Variants in CHTF18 observed in about 807,000 individuals in gnomAD.
CHTF18 encodes the protein chromosome transmission fidelity factor 18.
In CHTF18, 151 loss-of-function variants were observed where a neutral mutation model predicts 113.4. The observed-to-expected ratio is 1.33, with a 90% CI of 1.17 to 1.52. The LOEUF (loss-of-function observed/expected upper bound fraction) is 1.52. CHTF18 is among the 40% of genes most tolerant of loss of function. The pLI is 0.00. For synonymous variants in CHTF18, 916 were observed against 598.8 expected (o/e 1.53, Z -7.74); for missense variants, 1,982 against 1,381.6 (o/e 1.43, Z -6.89).
rs372435159 is a variant in CHTF18 at position 792,506 on chromosome 16, C to T, written c.1394C>T (p.Pro465Leu). The T allele has an allele frequency of 3.0e-5, 47 of 1,592,460 alleles. No homozygotes were observed. Among genetic ancestry groups the T allele is most frequent in the Admixed American group, 7.3e-5 (4 of 54,722 alleles). The change falls in exon 11 of 22, where the codon CCG (proline) becomes CTG (leucine). Residue 465 changes from proline (P) to leucine (L), a missense_variant. By Grantham distance (98) the Pro-to-Leu change is moderately conservative. Transcript: ENST00000262315. Reference protein sequence around the residue: ...KGPQEVGPQGPAVPSGGGRRR... With the variant: ...KGPQEVGPQGLAVPSGGGRRR... ...CCACAGGAGGTGGGGCCACAGGGCC[C>T]GGCTGTGCCTTCGGGAGGCGGCCGA... is the stretch of plus-strand genomic sequence containing the variant.
Position 798,030 on chromosome 16 carries a change from G to A in CHTF18, c.*55G>A. On this transcript the variant is annotated 3_prime_UTR_variant, in exon 22 of 22. Transcript: ENST00000262315. The stretch of plus-strand genomic sequence containing the variant: ...TGCTTCCCGCAGAGTGCAGAGACAG[G>A]AAGCTGGAGATGTCTTTATAAAGTC... 1 of 1,566,514 alleles carries A rather than the reference G, an allele frequency of 6.4e-7. No individual in the cohort carries two copies. Among genetic ancestry groups the A allele is most frequent in the Non-Finnish European group, 8.7e-7 (1 of 1,155,338 alleles).
At position 796,857 on chromosome 16, in the gene CHTF18, C is replaced by T. The variant is rs371638009; in HGVS notation, c.2597C>T (p.Pro866Leu). ...GCTTCTGCCCGGGTAGAGAACAGCC[C>T]CCAGGTGAGCCCACCCAGGCTCTGG... Reference protein sequence around the residue: ...AEASARVENSPQVDGSPPGLE... With the variant: ...AEASARVENSLQVDGSPPGLE... The change falls in exon 19 of 22, where the codon CCC (proline) becomes CTC (leucine). Residue 866 changes from proline to leucine, a missense_variant. Coordinates refer to ENST00000262315, the MANE Select transcript of CHTF18 (RefSeq NM_022092.3). 2.1e-5 allele frequency: 33 copies of T among 1,593,434 alleles called. No individual in the cohort carries two copies. The highest frequency in any genetic ancestry group is 2.7e-5 in the Non-Finnish European group (31 of 1,169,392).
rs1368675919 is a variant in CHTF18, at chr16:795,970, C to T, written c.2349C>T (p.Thr783=). Residue 783 remains threonine, a synonymous_variant, in exon 18 of 22, where the codon ACC becomes ACT. Transcript: ENST00000262315. ...LRPVSTQLYS[T]REKQQLASLV... ...AGGTGAGCACACAGCTGTACAGCAC[C>T]CGTGAAAAGCAACAGCTGGCCAGCC... The T allele has an allele frequency of 1.9e-6, 3 of 1,609,578 alleles. No homozygotes were observed. Among genetic ancestry groups the T allele is most frequent in the Non-Finnish European group, 1.7e-6 (2 of 1,178,616 alleles).
In CHTF18 at chr16:790,282, G is replaced by A; in HGVS notation, c.699+13G>A. ...GGTCGACGGCGAGGTAGGGGCTGCG[G>A]GTTTGCTGGGGGGCGGTGGCGGGGC... On this transcript the variant is annotated intron_variant, in intron 5 of 21. Coordinates refer to ENST00000262315, the MANE Select transcript of CHTF18 (RefSeq NM_022092.3). 1 of 1,608,480 alleles carries A rather than the reference G, an allele frequency of 6.2e-7. No individual in the cohort carries two copies. Among genetic ancestry groups the A allele is most frequent in the Non-Finnish European group, 8.5e-7 (1 of 1,178,350 alleles).
In CHTF18 at chr16:793,919, G is replaced by A. The variant is rs953841710; in HGVS notation, c.1803-135G>A. The A allele has an allele frequency of 1.5e-5, 15 of 986,440 alleles. No individual in the cohort carries two copies. The African/African-American group carries it at 1.8e-4, about 12-fold the overall frequency. The allele number at this position is 986,440 out of a possible 1,614,324, so 61.1% of individuals were successfully genotyped here. ...TGTCTTTGGCTGTCTCCACCTGAGC[G>A]AGGCAGCAAGGGCCCTGCTGAGAAG... is the stretch of plus-strand genomic sequence containing the variant. On this transcript the variant is annotated intron_variant, in intron 14 of 21. Transcript: ENST00000262315.
At chr16:790,899 G>C in intron 7 of CHTF18, 1 of 1,432,812 alleles carries the variant, frequency 7.0e-7, no homozygotes, top group Non-Finnish European at 9.1e-7. Context: ...CCAAGTCTCT[G>C]TTCCCTTTCC....
rs187410417 is a variant in CHTF18, at chr16:790,192, G to A, written c.622G>A (p.Val208Ile). Residue 208 changes from valine to isoleucine, a missense_variant, in exon 5 of 22, where the codon GTC becomes ATC. By Grantham distance (29) the Val-to-Ile change is conservative. Coordinates refer to ENST00000262315, the MANE Select transcript of CHTF18 (RefSeq NM_022092.3). ...APGVQGSLLH[V>I]PWRGGGQLDL... ...TTCCCCACAGGGCTCTCTCCTCCACGTCCCATGGCGAGGCGGTGGCCAGCT... is the reference window on the plus strand; with the variant it reads ...TTCCCCACAGGGCTCTCTCCTCCACATCCCATGGCGAGGCGGTGGCCAGCT... 416 of 1,601,384 alleles carry A rather than the reference G, an allele frequency of 2.6e-4. 1 individual carries two copies. In the African/African-American group the frequency reaches 4.6e-3, roughly 18 times the overall value.
Position 791,232 on chromosome 16 carries a change from C to A in CHTF18, c.966C>A (p.Ser322=), listed in dbSNP as rs771522450. Residue 322 remains serine (S), a synonymous_variant, in exon 8 of 22, where the codon TCC becomes TCA. Transcript: ENST00000262315. The part of the protein sequence containing the change: ...DLVVFGHERP[S]RKPRPSVEPA... ...TGGTGTTTGGCCACGAGAGGCCTTC[C>A]CGGAAGCCCAGGCCCAGTGTTGAGC... is the stretch of plus-strand genomic sequence containing the variant. 1 of 1,611,256 alleles carries A rather than the reference C, an allele frequency of 6.2e-7. No homozygotes were observed. The highest frequency in any genetic ancestry group is 8.5e-7 in the Non-Finnish European group (1 of 1,179,432).
chr16:792,091 C>T (rs1246805609), intron 9 of CHTF18, 133 bp from the exon 10 acceptor site: 7 of 1,531,746 alleles, frequency 4.6e-6, no homozygotes, highest in African/African-American at 2.8e-5. Context: ...ACGTGTCCTT[C>T]CTCGGGGTTC....
At position 792,239 on chromosome 16, in the gene CHTF18, G is replaced by A. The variant is rs780585418; in HGVS notation, c.1218G>A (p.Pro406=). ...VEMNASDDRS[P]EVFRTRIEAA... is the part of the protein sequence containing the mutation. ...CCCATTGCAGTGACGACCGTAGCCC[G>A]GAGGTCTTCCGCACACGCATCGAGG... The change falls in exon 10 of 22, where the codon CCG becomes CCA. Residue 406 remains proline, a synonymous_variant. Coordinates refer to ENST00000262315, the MANE Select transcript of CHTF18 (RefSeq NM_022092.3). The A allele has an allele frequency of 2.9e-5, 45 of 1,569,528 alleles. No individual in the cohort carries two copies. Among genetic ancestry groups the A allele is most frequent in the South Asian group, 2.1e-4 (18 of 85,196 alleles).
chr16:794,923 C>G, intron 15 of CHTF18: 1 of 585,050 alleles, frequency 1.7e-6, no homozygotes, highest in Non-Finnish European at 3.0e-6. Flanking sequence ...GTGGACCCTC[C>G]CCCGACCCCT....
chr16:792,663 T>C (rs1422042453), intron 11 of CHTF18, 55 bp from the exon 12 acceptor site: 15 of 1,586,522 alleles, frequency 9.5e-6, no homozygotes, highest in Non-Finnish European at 1.2e-5. Flanking sequence ...CCCGTCCCTG[T>C]GTCCTGGGCT....
chr16:789,405 G>C (rs776027007), intron 3 of CHTF18, 45 bp downstream of exon 3: 2 of 1,541,284 alleles, frequency 1.3e-6, no homozygotes, highest in South Asian at 1.3e-5. Flanking sequence ...TGTCCAGTGG[G>C]ACTCAGATGG....
chr16:796,218 A>C (rs751470385), intron 18 of CHTF18, 141 bp downstream of exon 18: 18 of 1,147,038 alleles, frequency 1.6e-5, no homozygotes, highest in Non-Finnish European at 1.9e-5. Context: ...TCTTTTGCTC[A>C]GATGTAACCG....
intron 17 of CHTF18, 51 bp downstream of exon 17, chr16:795,885 C>G: frequency 3.1e-6 from 5 of 1,602,012 alleles, no homozygotes; most frequent in Non-Finnish European, 4.3e-6. Context: ...CCCTCCTGTC[C>G]TAGGTGAGCA....
intron 15 of CHTF18, among the ~76,000 whole-genome samples, 165 bp downstream of exon 15, chr16:794,366 A>C (rs1467887432): frequency 6.6e-6 from 1 of 151,986 alleles, no homozygotes; most frequent in East Asian, 1.9e-4. Context: ...GGTGGGGAGC[A>C]GGAGCCAGGA....
In CHTF18 at chr16:795,203, C is replaced by T. The variant is rs1250882179; in HGVS notation, c.2022C>T (p.Asp674=). The T allele has an allele frequency of 1.3e-6, 2 of 1,556,798 alleles. No individual in the cohort carries two copies. Among genetic ancestry groups the T allele is most frequent in the African/African-American group, 1.4e-5 (1 of 73,424 alleles). ...TGGGTGCTGTGTGTGTGGCCCTCGA[C>T]TGGCTGGCCTTCGATGACCTGCTGG... ...SSLGAVCVAL[D]WLAFDDLLAG... Residue 674 remains aspartate, a synonymous_variant, in exon 16 of 22, where the codon GAC becomes GAT. Transcript: ENST00000262315.
chr16:797,163 A>C, intron 20 of CHTF18, 71 bp downstream of exon 20: 2 of 1,433,922 alleles, frequency 1.4e-6, no homozygotes, highest in Non-Finnish European at 1.8e-6. Context: ...GGCAGTCATG[A>C]GGCGGGGCCA....
rs1264174855 is a variant in CHTF18 at position 789,057 on chromosome 16, G to C, written c.218G>C (p.Ser73Thr). The change falls in exon 2 of 22, where the codon AGC becomes ACC. Residue 73 changes from serine to threonine, a missense_variant. Ser to Thr is a moderately conservative substitution (Grantham distance 58, BLOSUM62 1). Transcript: ENST00000262315. ...CCCGCCCCAGCCGCATCTGTGGGCAGCAGCCAGGGCGGCGCCAGGAAGAGG... is the reference window on the plus strand; with the variant it reads ...CCCGCCCCAGCCGCATCTGTGGGCACCAGCCAGGGCGGCGCCAGGAAGAGG... ...SSPAPAASVGSSQGGARKRQV... is the reference protein window; with the variant it reads ...SSPAPAASVGTSQGGARKRQV... The C allele has an allele frequency of 6.5e-7, 1 of 1,537,200 alleles. No homozygotes were observed. The highest frequency in any genetic ancestry group is 8.8e-7 in the Non-Finnish European group (1 of 1,141,010).
Sources: gnomAD v4.1 joint callset for allele counts (sites outside exome capture counted in the v4.1 genomes callset) on GRCh38, gnomAD v4.1.1 for gene constraint, MANE v1.5 for transcripts, NCBI Gene and HGNC (gene_info 2026-07-23, HGNC 2026-07-21) for gene names.